The following TANGO6 variants were observed in gnomAD, a reference collection of about 807,000 sequenced individuals.
TANGO6 encodes transport and Golgi organization protein 6 homolog.
A neutral mutation model predicts 114.2 loss-of-function variants in TANGO6; 90 were observed. The ratio of observed to expected loss-of-function variants is 0.79; its 90% confidence interval spans 0.66 to 0.94. The LOEUF (loss-of-function observed/expected upper bound fraction) is 0.94, where lower values mean the gene tolerates loss of function less well. Ranked by LOEUF, TANGO6 falls within the 40% of genes least tolerant of loss-of-function variation. The pLI, the probability that TANGO6 is intolerant of heterozygous loss-of-function variation, is 0.00. For synonymous variants in TANGO6, 477 were observed against 509.8 expected, an observed-to-expected ratio of 0.94 and a Z score of 0.87; for missense variants, 1,274 against 1,315.3, an observed-to-expected ratio of 0.97 and a Z score of 0.49.
At chr16:68,954,853 T>G (rs1400955290) in intron 14 of TANGO6, among the ~76,000 whole-genome samples, 1 of 152,216 alleles carries the variant, frequency 6.6e-6, no homozygotes, top group Non-Finnish European at 1.5e-5. Flanking sequence ...TCAAATGAGA[T>G]CTAACATGAA....
intron 12 of TANGO6, among the ~76,000 whole-genome samples, chr16:68,923,621 A>G (rs1305144395): frequency 2.0e-5 from 3 of 152,114 alleles, no homozygotes; most frequent in South Asian, 2.1e-4. Context: ...AGAGCAGACA[A>G]TCCTTCTTAA....
intron 15 of TANGO6, 48 bp from the exon 16 acceptor site, chr16:69,022,780 G>A (rs1175847838): frequency 1.6e-5 from 24 of 1,528,560 alleles, no homozygotes; most frequent in East Asian, 7.3e-5. Flanking sequence ...TTTTTAAGAA[G>A]TTGAAATTTT....
At chr16:69,003,266 T>C (rs1964061291) in intron 15 of TANGO6, among the ~76,000 whole-genome samples, 1 of 152,024 alleles carries the variant, frequency 6.6e-6, no homozygotes, top group Non-Finnish European at 1.5e-5. Context: ...CTAAGGTAGC[T>C]CAGAGAAAAG....
intron 2 of TANGO6, among the ~76,000 whole-genome samples, chr16:68,860,771 G>A (rs1207958906): frequency 1.3e-5 from 2 of 152,106 alleles, no homozygotes; most frequent in African/African-American, 4.8e-5. Flanking sequence ...GCTATAGCAG[G>A]CTGTTTTTCT....
At chr16:68,991,258 A>G (rs1963943798) in intron 15 of TANGO6, among the ~76,000 whole-genome samples, 1 of 152,188 alleles carries the variant, frequency 6.6e-6, no homozygotes, top group South Asian at 2.1e-4. Flanking sequence ...AGATTCTTAA[A>G]GGAAACAGCA....
intron 5 of TANGO6, among the ~76,000 whole-genome samples, chr16:68,876,647 C>G (rs1019878277): frequency 3.3e-5 from 5 of 151,802 alleles, no homozygotes; most frequent in African/African-American, 9.7e-5. Context: ...ATGGAGAAAC[C>G]CCAACTCTAC....
intron 15 of TANGO6, among the ~76,000 whole-genome samples, chr16:69,009,413 C>G (rs1187780402): frequency 6.6e-6 from 1 of 152,072 alleles, no homozygotes; most frequent in Non-Finnish European, 1.5e-5. Context: ...CAGTTTTATT[C>G]TATTGATTTA....
rs954565581 is a variant in TANGO6, at chr16:69,083,849, G to A, written c.*188G>A. 22 of 586,416 alleles carry A rather than the reference G, an allele frequency of 3.8e-5. No individual in the cohort carries two copies. The highest frequency in any genetic ancestry group is 4.6e-4 in the Middle Eastern group (1 of 2,176). 36.3% of individuals were successfully genotyped at this position (586,416 alleles called of 1,614,324 possible). Reference sequence around the variant, plus strand: ...GAGGGCATGTGTTCAGCACTCCCGCGTTCAGCCTGAGGGGTGTACAGTTAA... The same window carrying A: ...GAGGGCATGTGTTCAGCACTCCCGCATTCAGCCTGAGGGGTGTACAGTTAA... On this transcript the variant is annotated 3_prime_UTR_variant, in exon 18 of 18. Coordinates refer to ENST00000261778, the MANE Select transcript of TANGO6 (RefSeq NM_024562.2).
chr16:69,019,972 G>A (rs927663421), intron 15 of TANGO6, among the ~76,000 whole-genome samples: 3 of 152,146 alleles, frequency 2.0e-5, no homozygotes, highest in African/African-American at 7.2e-5. Context: ...ACCATTTCCT[G>A]TACCTAGTAC....
chr16:68,898,478 C>T (rs1962737412), intron 7 of TANGO6, among the ~76,000 whole-genome samples: 1 of 152,024 alleles, frequency 6.6e-6, no homozygotes, highest in Non-Finnish European at 1.5e-5. Flanking sequence ...CTTTGAGCTT[C>T]CCTTCCCTTC....
At chr16:68,937,207 T>C (rs1963308168) in intron 14 of TANGO6, 1 of 152,302 alleles carries the variant, frequency 6.6e-6, no homozygotes, top group East Asian at 1.9e-4. Flanking sequence ...TGGAATGCAG[T>C]CCTGCGAAGT....
chr16:68,974,188 C>T lies in TANGO6; in HGVS notation c.2842+20C>T. ...CATTAGGTGAGTTTTCTTGTTCCAT[C>T]CACCTGGAAAAGGGTGGAGGATCAG... is the stretch of plus-strand genomic sequence containing the variant. On this transcript the variant is annotated intron_variant, in intron 15 of 17. Transcript: ENST00000261778. The T allele has an allele frequency of 2.5e-6, 4 of 1,613,712 alleles. No individual in the cohort carries two copies. Among genetic ancestry groups the T allele is most frequent in the Non-Finnish European group, 3.4e-6 (4 of 1,179,754 alleles).
chr16:68,959,280 C>A (rs533807497), intron 14 of TANGO6, among the ~76,000 whole-genome samples: 24 of 152,198 alleles, frequency 1.6e-4, no homozygotes, highest in African/African-American at 5.8e-4. Context: ...ATCAAGACAT[C>A]TGTTAGGGTT....
At chr16:68,892,466 A>G (rs543218565) in intron 7 of TANGO6, among the ~76,000 whole-genome samples, 4 of 149,826 alleles carry the variant, frequency 2.7e-5, no homozygotes, top group African/African-American at 9.8e-5. Context: ...CTCTTGCTAC[A>G]TGTTTGTATT....
chr16:68,965,905 TAA>T (rs1963640569), intron 14 of TANGO6, among the ~76,000 whole-genome samples: 5 of 152,196 alleles, frequency 3.3e-5, no homozygotes, highest in Admixed American at 2.0e-4. Context: ...TTTTGAGATA[TAA>T]GTCACATACC....
At chr16:69,063,217 C>T (rs1289603217) in intron 17 of TANGO6, among the ~76,000 whole-genome samples, 1 of 112,642 alleles carries the variant, frequency 8.9e-6, no homozygotes, top group Non-Finnish European at 1.9e-5. Context: ...AGCCAGACTT[C>T]GTCTGAAAAA....
At chr16:69,079,143 T>C (rs1229624776) in intron 17 of TANGO6, among the ~76,000 whole-genome samples, 1 of 149,210 alleles carries the variant, frequency 6.7e-6, no homozygotes, top group Non-Finnish European at 1.5e-5. Flanking sequence ...CTGACCAACA[T>C]GGCAAAACCC....
intron 4 of TANGO6, among the ~76,000 whole-genome samples, chr16:68,874,516 T>G (rs1962326423): frequency 6.6e-6 from 1 of 152,172 alleles, no homozygotes; most frequent in Non-Finnish European, 1.5e-5. Context: ...TAAGACAGTT[T>G]AAATGAAATG....
chr16:68,977,756 G>C (rs1377377032), intron 15 of TANGO6, among the ~76,000 whole-genome samples: 1 of 149,732 alleles, frequency 6.7e-6, no homozygotes, highest in African/African-American at 2.4e-5. Flanking sequence ...TGCCATCTTA[G>C]CTCACTGCAG....
Sources: allele counts gnomAD v4.1 joint callset (sites outside exome capture counted in the v4.1 genomes callset), GRCh38; gene constraint gnomAD v4.1.1; transcripts MANE v1.5; gene names NCBI Gene and HGNC (gene_info 2026-07-23, HGNC 2026-07-21).